ITPKB: variants seen among roughly 807,000 people sequenced by gnomAD.
The protein encoded by ITPKB is IP3 3-kinase B.
In ITPKB, 13 loss-of-function variants were observed where a neutral mutation model predicts 69.4. That is an observed-to-expected ratio of 0.19 (90% CI 0.12 to 0.30). ITPKB has a LOEUF of 0.30. Ranked by LOEUF, ITPKB falls within the 10% of genes least tolerant of loss-of-function variation. The pLI is 1.00. For missense variants in ITPKB, 1,240 were observed against 1,250.5 expected, an observed-to-expected ratio of 0.99 and a Z score of 0.13; for synonymous variants, 584 against 513.7, an observed-to-expected ratio of 1.14 and a Z score of -1.85.
intron 2 of ITPKB, among the ~76,000 whole-genome samples, chr1:226,703,122 A>T (rs540239159): frequency 6.6e-6 from 1 of 152,148 alleles, no homozygotes; most frequent in Non-Finnish European, 1.5e-5. Context: ...GAAGCGAAAG[A>T]AAGTGATTAT....
chr1:226,712,998 C>T (rs1657008056), intron 2 of ITPKB, among the ~76,000 whole-genome samples: 1 of 152,164 alleles, frequency 6.6e-6, no homozygotes, highest in African/African-American at 2.4e-5. Flanking sequence ...CACATATCTA[C>T]ACCCATACAT....
At chr1:226,638,424 G>A (rs73100921) in intron 6 of ITPKB, among the ~76,000 whole-genome samples, 3,863 of 152,270 alleles carry the variant, frequency 0.025, 159 homozygotes, top group African/African-American at 0.089. Context: ...TTGGAGAAAC[G>A]GCTGCCTGGT....
chr1:226,711,442 A>AGAGAGT (rs1491474441), intron 2 of ITPKB, among the ~76,000 whole-genome samples: 75 of 102,354 alleles, frequency 7.3e-4, no homozygotes, highest in African/African-American at 2.6e-3. Flanking sequence ...AGAGAGAGAG[A>AGAGAGT]GTGTGTGTGT....
In ITPKB at chr1:226,667,146, C is replaced by T. The variant is rs114834812; in HGVS notation, c.1933-18375G>A. On this transcript the variant is annotated intron_variant, in intron 2 of 7. Coordinates refer to ENST00000429204, the MANE Select transcript of ITPKB (RefSeq NM_002221.4). Reference sequence around the variant, plus strand: ...TCGCTTCTCCCCTATACCTCACACACGCATCTGCTTCTCTGCTGAGAGGAC... The same window carrying T: ...TCGCTTCTCCCCTATACCTCACACATGCATCTGCTTCTCTGCTGAGAGGAC... Among the ~76,000 whole-genome samples, 261 of 152,298 alleles carry T rather than the reference C, an allele frequency of 1.7e-3. 2 individuals carry two copies. The highest frequency in any genetic ancestry group is 6.0e-3 in the African/African-American group (249 of 41,558).
At position 226,738,556 on chromosome 1, in the gene ITPKB, C is replaced by G. The variant is rs989006157; in HGVS notation, c.-206+485G>C. Among the ~76,000 whole-genome samples the G allele has an allele frequency of 3.2e-4, 49 of 152,332 alleles. No homozygotes were observed. Among genetic ancestry groups the G allele is most frequent in the African/African-American group, 9.6e-4 (40 of 41,574 alleles). On this transcript the variant is annotated intron_variant, in intron 1 of 7. Coordinates refer to ENST00000429204, the MANE Select transcript of ITPKB (RefSeq NM_002221.4). This position sits in a 1 kb window ranked among gnomAD's most constrained non-coding sequence, Gnocchi z 4.2. ...GCCCTGTTGCCGAGGACGCGACTGC[C>G]CCTGCGGGCTCCCGGACCCGCGCCC... is the stretch of plus-strand genomic sequence containing the variant.
At chr1:226,650,798 C>T (rs1014025556) in intron 2 of ITPKB, among the ~76,000 whole-genome samples, 2 of 152,224 alleles carry the variant, frequency 1.3e-5, no homozygotes, top group African/African-American at 2.4e-5. Flanking sequence ...GGAGAACACA[C>T]ATTGCACTGT....
In ITPKB at chr1:226,737,154, C is replaced by G. The variant is rs1233447080; in HGVS notation, c.305G>C (p.Trp102Ser). The G allele has an allele frequency of 1.3e-5, 20 of 1,597,676 alleles. No individual in the cohort carries two copies. The highest frequency in any genetic ancestry group is 1.6e-5 in the Non-Finnish European group (19 of 1,178,726). ...SSGSSVSSPS[W>S]AGRLRGDRQQ... The stretch of plus-strand genomic sequence containing the variant: ...CCGGTCCCCTCGCAGGCGACCAGCC[C>G]AACTTGGGCTGCTCACGCTACTGCC... The change falls in exon 2 of 8, where the codon TGG becomes TCG. Residue 102 changes from tryptophan (W) to serine (S), a missense_variant. By Grantham distance (177) the Trp-to-Ser change is radical (BLOSUM62 -3). Coordinates refer to ENST00000429204, the MANE Select transcript of ITPKB (RefSeq NM_002221.4).
chr1:226,701,685 A>C lies in ITPKB; in HGVS notation c.1932+33842T>G, dbSNP rs890636520. On this transcript the variant is annotated intron_variant, in intron 2 of 7. Coordinates refer to ENST00000429204, the MANE Select transcript of ITPKB (RefSeq NM_002221.4). ...TTAATCTCTTAAGCTCCACAGAGCC[A>C]TGGAGACGCACACAGCAAACTGTCA... Among the ~76,000 whole-genome samples the C allele has an allele frequency of 1.3e-4, 19 of 150,850 alleles. 1 individual carries two copies. The highest frequency in any genetic ancestry group is 4.6e-4 in the African/African-American group (19 of 41,184).
chr1:226,636,023 C>A (rs1468261884), intron 7 of ITPKB, among the ~76,000 whole-genome samples: 1 of 152,246 alleles, frequency 6.6e-6, no homozygotes, highest in Non-Finnish European at 1.5e-5. Flanking sequence ...AAACAACAGA[C>A]CCAAGCTGAT....
At chr1:226,640,897 C>T (rs187208271) in intron 5 of ITPKB, among the ~76,000 whole-genome samples, 44 of 152,328 alleles carry the variant, frequency 2.9e-4, no homozygotes, top group East Asian at 1.5e-3. Flanking sequence ...GCGGAAGCTA[C>T]GTCTAAATGC....
intron 4 of ITPKB, 73 bp downstream of exon 4, chr1:226,647,094 G>T: frequency 7.0e-7 from 1 of 1,419,198 alleles, no homozygotes. Flanking sequence ...GGGAAGCCCT[G>T]AGTGCCACGC....
rs369162514 is a variant in ITPKB at position 226,706,006 on chromosome 1, T to C, written c.1932+29521A>G. Among the ~76,000 whole-genome samples the C allele has an allele frequency of 5.9e-5, 9 of 152,326 alleles. No individual in the cohort carries two copies. In the South Asian group the frequency reaches 8.3e-4, roughly 14 times the overall value. Reference sequence around the variant, plus strand: ...AACCCAACCAGTTTGTTGCCTCTTATTCCAAGCTGCTAAAGGGCTGGAAGA... The same window carrying C: ...AACCCAACCAGTTTGTTGCCTCTTACTCCAAGCTGCTAAAGGGCTGGAAGA... On this transcript the variant is annotated intron_variant, in intron 2 of 7. Coordinates refer to ENST00000429204, the MANE Select transcript of ITPKB (RefSeq NM_002221.4).
Position 226,637,764 on chromosome 1 carries a change from G to A in ITPKB, c.2554-14C>T. 1 of 1,608,328 alleles carries A rather than the reference G, an allele frequency of 6.2e-7. No individual in the cohort carries two copies. Among genetic ancestry groups the A allele is most frequent in the Non-Finnish European group, 8.5e-7 (1 of 1,175,170 alleles). The stretch of plus-strand genomic sequence containing the variant: ...CCGATAGGCGATCTGGGAATAGAAA[G>A]AGGACCAGATTTTTAAGCGCCGCGT... On this transcript the variant is annotated splice_polypyrimidine_tract_variant and intron_variant, in intron 6 of 7. Coordinates refer to ENST00000429204, the MANE Select transcript of ITPKB (RefSeq NM_002221.4). This position sits in a 1 kb window ranked among gnomAD's most constrained non-coding sequence, Gnocchi z 4.3.
intron 2 of ITPKB, among the ~76,000 whole-genome samples, chr1:226,726,442 C>T (rs1365456021): frequency 6.6e-6 from 1 of 152,062 alleles, no homozygotes. Context: ...ATTGGGAGGC[C>T]AAGGTGGAAG....
chr1:226,736,128 T>G lies in ITPKB; in HGVS notation c.1331A>C (p.Glu444Ala). The G allele has an allele frequency of 6.3e-7, 1 of 1,589,408 alleles. No individual in the cohort carries two copies. The highest frequency in any genetic ancestry group is 1.1e-5 in the South Asian group (1 of 87,460). Residue 444 changes from glutamate (E) to alanine (A), a missense_variant, in exon 2 of 8, where the codon GAG becomes GCG. Coordinates refer to ENST00000429204, the MANE Select transcript of ITPKB (RefSeq NM_002221.4). ...CAAGCCCAGCGTTGGGGACCCTCCC[T>G]CCACTCTGTCGGAGAGCTGCCAACG... ...GGRWQLSDRV[E>A]GGSPTLGLLG...
At chr1:226,639,712 A>G (rs1668914492) in intron 5 of ITPKB, 54 bp from the exon 6 acceptor site, 1 of 1,223,332 alleles carries the variant, frequency 8.2e-7, no homozygotes. Context: ...CCTCGGGCAG[A>G]AACTGTTCTC....
At chr1:226,674,707 T>C (rs1669691645) in intron 2 of ITPKB, among the ~76,000 whole-genome samples, 1 of 152,098 alleles carries the variant, frequency 6.6e-6, no homozygotes, top group African/African-American at 2.4e-5. Context: ...TACTCACCCT[T>C]TCCTGACCCT....
rs200397350 is a variant in ITPKB at position 226,737,281 on chromosome 1, G to C, written c.178C>G (p.Pro60Ala). Residue 60 changes from proline (P) to alanine (A), a missense_variant, in exon 2 of 8, where the codon CCA (proline) becomes GCA (alanine). Around this residue, in one of 2 missense-constraint regions of ITPKB, gnomAD observed 992 missense variants for 853.8 expected, o/e 1.16. Transcript: ENST00000429204. Reference protein sequence around the residue: ...PGRGASFLFPPAESLSPEEPR... With the variant: ...PGRGASFLFPAAESLSPEEPR... Reference sequence around the variant, plus strand: ...TCCTCGGGGGACAGCGACTCGGCTGGGGGGAAGAGGAAAGAGGCGCCTCTC... The same window carrying C: ...TCCTCGGGGGACAGCGACTCGGCTGCGGGGAAGAGGAAAGAGGCGCCTCTC... 7.5e-4 allele frequency: 1,170 copies of C among 1,557,996 alleles called. No individual in the cohort carries two copies. Among genetic ancestry groups the C allele is most frequent in the African/African-American group, 5.4e-3 (396 of 73,570 alleles).
At chr1:226,671,084 G>C (rs188112016) in intron 2 of ITPKB, among the ~76,000 whole-genome samples, 6 of 152,276 alleles carry the variant, frequency 3.9e-5, no homozygotes, top group African/African-American at 1.4e-4. Flanking sequence ...GGAGAAATAG[G>C]GCTTTCTTCC....
Sources: allele counts gnomAD v4.1 joint callset (sites outside exome capture counted in the v4.1 genomes callset), GRCh38; gene constraint gnomAD v4.1.1; regional missense constraint gnomAD v4.1.1; non-coding constraint Gnocchi (gnomAD v3.1); transcripts MANE v1.5; gene names NCBI Gene and HGNC (gene_info 2026-07-23, HGNC 2026-07-21).